AAGAB: variants seen among roughly 807,000 people sequenced by gnomAD.
AAGAB encodes the protein alpha- and gamma-adaptin-binding protein p34.
A neutral mutation model predicts 44.1 loss-of-function variants in AAGAB; 38 were observed. The observed-to-expected ratio is 0.86, with a 90% confidence interval of 0.67 to 1.13. AAGAB has a LOEUF of 1.13. Among genes scored for constraint, AAGAB ranks in the 50% most tolerant of loss-of-function variants. The pLI is 0.00. For synonymous variants in AAGAB, 131 were observed against 131.8 expected (o/e 0.99, Z 0.04); for missense variants, 450 against 373.8 (o/e 1.20, Z -1.68).
At chr15:67,236,586 G>A (rs1464976304) in intron 2 of AAGAB, 44 bp downstream of exon 2, 2 of 1,601,032 alleles carry the variant, frequency 1.2e-6, no homozygotes, top group Non-Finnish European at 1.7e-6. Context: ...AAGAAGGCAT[G>A]CAATAATTTC....
At chr15:67,250,862 TAAAAAATAC>T (rs1285662235) in intron 1 of AAGAB, among the ~76,000 whole-genome samples, 2 of 151,908 alleles carry the variant, frequency 1.3e-5, no homozygotes, top group Non-Finnish European at 2.9e-5. Context: ...CCGTCTCTAC[TAAAAAATAC>T]AAAAAATTAC....
At chr15:67,235,661 A>T (rs1038834426) in intron 4 of AAGAB, among the ~76,000 whole-genome samples, 1 of 152,190 alleles carries the variant, frequency 6.6e-6, no homozygotes, top group Admixed American at 6.5e-5. Context: ...ACTACTACGA[A>T]GGTCTAACTC....
At chr15:67,233,287 G>A (rs1369848115) in intron 4 of AAGAB, among the ~76,000 whole-genome samples, 10 of 152,316 alleles carry the variant, frequency 6.6e-5, no homozygotes, top group Admixed American at 3.9e-4. Flanking sequence ...GGGTCATTAC[G>A]ACAACTTAGT....
chr15:67,205,148 G>T (rs1005576359), intron 7 of AAGAB, among the ~76,000 whole-genome samples: 1 of 152,204 alleles, frequency 6.6e-6, no homozygotes, highest in Admixed American at 6.5e-5. Context: ...ATAAAGCCAT[G>T]ATTTGAACCC....
chr15:67,254,445 G>A (rs541262585), intron 1 of AAGAB, 114 bp downstream of exon 1: 3 of 1,459,362 alleles, frequency 2.1e-6, no homozygotes, highest in East Asian at 5.0e-5. Context: ...ACTGACTGGA[G>A]GAAGAACGCA....
At chr15:67,224,234 A>G (rs1415301592) in intron 5 of AAGAB, among the ~76,000 whole-genome samples, 1 of 152,206 alleles carries the variant, frequency 6.6e-6, no homozygotes. Context: ...CTTAAGAAAT[A>G]TTTTTTGTAT....
chr15:67,251,224 G>A (rs1414045763), intron 1 of AAGAB, among the ~76,000 whole-genome samples: 1 of 146,702 alleles, frequency 6.8e-6, no homozygotes, highest in African/African-American at 2.5e-5. Flanking sequence ...GCGTGTGTGT[G>A]TGTGTGTGTG....
intron 7 of AAGAB, among the ~76,000 whole-genome samples, chr15:67,206,897 T>G (rs1164746656): frequency 6.6e-6 from 1 of 152,176 alleles, no homozygotes; most frequent in Non-Finnish European, 1.5e-5. Context: ...GAAAGCAAGA[T>G]CTGGCCAGGC....
chr15:67,211,329 AG>A (rs763672680), intron 5 of AAGAB, among the ~76,000 whole-genome samples: 28 of 152,144 alleles, frequency 1.8e-4, no homozygotes, highest in Non-Finnish European at 2.6e-4. Flanking sequence ...GTACTCCTGG[AG>A]CCCCCCTTAT....
At chr15:67,219,748 A>T (rs981174474) in intron 5 of AAGAB, among the ~76,000 whole-genome samples, 2 of 152,190 alleles carry the variant, frequency 1.3e-5, no homozygotes, top group African/African-American at 4.8e-5. Context: ...TTCTAAAATA[A>T]AAATAAAAAT....
At chr15:67,247,197 G>T (rs1479919248) in intron 1 of AAGAB, among the ~76,000 whole-genome samples, 1 of 152,076 alleles carries the variant, frequency 6.6e-6, no homozygotes, top group Non-Finnish European at 1.5e-5. Flanking sequence ...CCAGAAGGAA[G>T]AAACTCCGGA....
intron 3 of AAGAB, 99 bp downstream of exon 3, chr15:67,236,309 A>C: frequency 8.6e-7 from 1 of 1,164,478 alleles, no homozygotes; most frequent in Middle Eastern, 2.0e-4. Context: ...CCATAAAGTC[A>C]CATGGGATGT....
intron 5 of AAGAB, among the ~76,000 whole-genome samples, chr15:67,225,151 G>T (rs1269970538): frequency 2.0e-5 from 3 of 152,184 alleles, no homozygotes; most frequent in East Asian, 1.9e-4. Flanking sequence ...GGTGACTAAA[G>T]TTCCCAGGTG....
At chr15:67,215,934 C>T (rs1963934258) in intron 5 of AAGAB, among the ~76,000 whole-genome samples, 1 of 152,144 alleles carries the variant, frequency 6.6e-6, no homozygotes, top group African/African-American at 2.4e-5. Context: ...GGCCTAAGCA[C>T]CGTACCTGGT....
intron 9 of AAGAB, among the ~76,000 whole-genome samples, chr15:67,203,181 G>A (rs1963606617): frequency 6.6e-6 from 1 of 152,160 alleles, no homozygotes; most frequent in African/African-American, 2.4e-5. Context: ...ATGTCCAAAA[G>A]GGAACAGGAT....
In AAGAB at chr15:67,242,307, C is replaced by T. The variant is rs1024762894; in HGVS notation, c.74-5487G>A. 2.0e-4 allele frequency among the ~76,000 whole-genome samples: 26 copies of T among 132,268 alleles called. 1 individual carries two copies. The highest frequency in any genetic ancestry group is 6.8e-4 in the African/African-American group (26 of 38,448). 86.8% of individuals were successfully genotyped at this position (132,268 alleles called of 152,430 possible). A position where few individuals can be genotyped will look rare whatever the true frequency, so the allele number is the denominator to read the frequency against. On this transcript the variant is annotated intron_variant, in intron 1 of 9. Transcript: ENST00000261880. ...GCGCGGTGGCGGGCGCCTGTAGTCC[C>T]AGCTACTCGGGAGGCTGAGGCAGGA...
chr15:67,240,064 G>C (rs1328219279), intron 1 of AAGAB, among the ~76,000 whole-genome samples: 1 of 152,148 alleles, frequency 6.6e-6, no homozygotes, highest in South Asian at 2.1e-4. Flanking sequence ...GATCACACTT[G>C]AGTCTCTAAT....
At chr15:67,207,487 T>C (rs1176780604) in intron 7 of AAGAB, among the ~76,000 whole-genome samples, 5 of 152,248 alleles carry the variant, frequency 3.3e-5, no homozygotes, top group African/African-American at 1.2e-4. Context: ...CTTTTTCCTC[T>C]GGCAGTGAGA....
In AAGAB at chr15:67,236,119, G is replaced by A. The variant is rs773015949; in HGVS notation, c.362-51C>T. The A allele has an allele frequency of 9.7e-5, 131 of 1,347,544 alleles. 1 individual carries two copies. The highest frequency in any genetic ancestry group is 6.1e-5 in the Non-Finnish European group (58 of 947,212). The allele number at this position is 1,347,544 out of a possible 1,614,324, so 83.5% of individuals were successfully genotyped here. A position where few individuals can be genotyped will look rare whatever the true frequency, so the allele number is the denominator to read the frequency against. ...CATAAGTAAAAAGAAAATAAAACAT[G>A]ACTATTCCTGCAATATTCTTCACAA... On this transcript the variant is annotated intron_variant, in intron 3 of 9. Transcript: ENST00000261880.
Sources: allele counts gnomAD v4.1 joint callset (sites outside exome capture counted in the v4.1 genomes callset), GRCh38; gene constraint gnomAD v4.1.1; transcripts MANE v1.5; gene names NCBI Gene and HGNC (gene_info 2026-07-23, HGNC 2026-07-21).